RAB40B: variants seen among roughly 807,000 people sequenced by gnomAD.
RAB40B encodes RAB40B, member RAS oncogene family, also known as ras-related protein Rab-40B.
In RAB40B, 21 loss-of-function variants were observed where a neutral mutation model predicts 24.0. That is an observed-to-expected ratio of 0.88 (90% CI 0.62 to 1.26). RAB40B has a LOEUF of 1.26. Among genes scored for constraint, RAB40B ranks in the 50% most tolerant of loss-of-function variants. The probability of loss-of-function intolerance (pLI) is 0.00; values close to 1 mark genes in which losing one functional copy is unlikely to be tolerated. For synonymous variants in RAB40B, 167 were observed against 169.8 expected, an observed-to-expected ratio of 0.98 and a Z score of 0.13; for missense variants, 348 against 390.5, an observed-to-expected ratio of 0.89 and a Z score of 0.92.
chr17:82,662,904 T>C (rs1031457093), intron 2 of RAB40B, among the ~76,000 whole-genome samples: 15 of 151,952 alleles, frequency 9.9e-5, no homozygotes. Flanking sequence ...GGCACTGAGC[T>C]CAGGGGCAGG....
At chr17:82,679,889 G>T (rs1282179699) in intron 1 of RAB40B, among the ~76,000 whole-genome samples, 1 of 134,514 alleles carries the variant, frequency 7.4e-6, no homozygotes, top group Non-Finnish European at 1.6e-5. Context: ...AGCAGGCTGC[G>T]GGGTGAACGC....
In RAB40B at chr17:82,655,050, T is replaced by C. The variant is rs2143427397; in HGVS notation, c.*2813A>G. ...GTCTTCTACTTAGTCCGGTCTGTAT[T>C]AGGTTTCGTCTGTTTTTGTTCTGCC... On this transcript the variant is annotated 3_prime_UTR_variant, in exon 6 of 6. Transcript: ENST00000571995. 1 of 152,372 alleles carries C rather than the reference T, an allele frequency of 6.6e-6. No individual in the cohort carries two copies. Among genetic ancestry groups the C allele is most frequent in the Non-Finnish European group, 1.5e-5 (1 of 68,048 alleles). The allele number at this position is 152,372 out of a possible 1,614,324, so 9.4% of individuals were successfully genotyped here. A position where few individuals can be genotyped will look rare whatever the true frequency, so the allele number is the denominator to read the frequency against.
At chr17:82,678,254 G>A (rs751137154) in intron 1 of RAB40B, among the ~76,000 whole-genome samples, 1 of 152,082 alleles carries the variant, frequency 6.6e-6, no homozygotes, top group South Asian at 2.1e-4. Context: ...CAGTGTTAGC[G>A]TTAGGATAAT....
rs1598295752 is a variant in RAB40B, at chr17:82,662,331, C to T, written c.204-1284G>A. ...GCGGGAGCTGCCCAAAAGCTATGGT[C>T]GAGGAGGCAGCGGGCCAGGTCAATC... is the stretch of plus-strand genomic sequence containing the variant. On this transcript the variant is annotated intron_variant, in intron 2 of 5. Transcript: ENST00000571995. 11 of 985,422 alleles carry T rather than the reference C, an allele frequency of 1.1e-5. No homozygotes were observed. In the African/African-American group the frequency reaches 1.2e-4, roughly 11 times the overall value. 61.0% of individuals were successfully genotyped at this position (985,422 alleles called of 1,614,324 possible). A position where few individuals can be genotyped will look rare whatever the true frequency, so the allele number is the denominator to read the frequency against.
At chr17:82,687,072 G>A (rs2046510176) in intron 1 of RAB40B, among the ~76,000 whole-genome samples, 2 of 151,868 alleles carry the variant, frequency 1.3e-5, no homozygotes, top group South Asian at 4.1e-4. Flanking sequence ...TCTTGTCTGT[G>A]GGCCCCCCCA....
intron 1 of RAB40B, among the ~76,000 whole-genome samples, chr17:82,682,102 T>G (rs750673253): frequency 1.0e-4 from 11 of 108,728 alleles, no homozygotes; most frequent in Non-Finnish European, 1.9e-5. Context: ...ATGACATTAC[T>G]ATACACACAC....
In RAB40B at chr17:82,657,645, T is replaced by A. The variant is rs763962077; in HGVS notation, c.*218A>T. 1 of 689,712 alleles carries A rather than the reference T, an allele frequency of 1.4e-6. No individual in the cohort carries two copies. The highest frequency in any genetic ancestry group is 1.5e-5 in the South Asian group (1 of 67,452). 42.7% of individuals were successfully genotyped at this position (689,712 alleles called of 1,614,324 possible). A position where few individuals can be genotyped will look rare whatever the true frequency, so the allele number is the denominator to read the frequency against. On this transcript the variant is annotated 3_prime_UTR_variant, in exon 6 of 6. Coordinates refer to ENST00000571995, the MANE Select transcript of RAB40B (RefSeq NM_006822.3). ...AGTCGAGCAGAGTACTAATTTTCCC[T>A]TTACAAACACACATCGAAAACAAGA... is the stretch of plus-strand genomic sequence containing the variant.
Position 82,663,105 on chromosome 17 carries a change from C to G in RAB40B, c.203+1391G>C, listed in dbSNP as rs577875011. Among the ~76,000 whole-genome samples the G allele has an allele frequency of 1.3e-5, 2 of 152,100 alleles. No homozygotes were observed. The highest frequency in any genetic ancestry group is 4.8e-5 in the African/African-American group (2 of 41,398). On this transcript the variant is annotated intron_variant, in intron 2 of 5. Coordinates refer to ENST00000571995, the MANE Select transcript of RAB40B (RefSeq NM_006822.3). This position sits in a 1 kb window ranked among gnomAD's most constrained non-coding sequence, Gnocchi z 6.2. ...GACGGCAACCCCAACGCCAGCCCAGCGAGGGCATGGCCCCGGGGGAGTGGG... is the reference window on the plus strand; with the variant it reads ...GACGGCAACCCCAACGCCAGCCCAGGGAGGGCATGGCCCCGGGGGAGTGGG...
intron 1 of RAB40B, among the ~76,000 whole-genome samples, chr17:82,691,339 A>G (rs1392022152): frequency 6.6e-6 from 1 of 152,170 alleles, no homozygotes; most frequent in Non-Finnish European, 1.5e-5. Context: ...GTGGGAGGCA[A>G]GAGGTGGTGG....
chr17:82,677,261 A>G (rs569984449), intron 1 of RAB40B, among the ~76,000 whole-genome samples: 4 of 152,346 alleles, frequency 2.6e-5, no homozygotes, highest in African/African-American at 9.6e-5. Flanking sequence ...TACTAATTTA[A>G]ACAATTAATG....
rs1284381695 is a variant in RAB40B at position 82,663,880 on chromosome 17, C to T, written c.203+616G>A. On this transcript the variant is annotated intron_variant, in intron 2 of 5. Coordinates refer to ENST00000571995, the MANE Select transcript of RAB40B (RefSeq NM_006822.3). This position sits in a 1 kb window ranked among gnomAD's most constrained non-coding sequence, Gnocchi z 6.2. ...CAGCGCTATGTCCGTTCTGGGGTCCCCTACTCTGGATGACGGGGGCCCAGA... is the reference window on the plus strand; with the variant it reads ...CAGCGCTATGTCCGTTCTGGGGTCCTCTACTCTGGATGACGGGGGCCCAGA... 6.6e-6 allele frequency among the ~76,000 whole-genome samples: 1 copy of T among 152,188 alleles called. No homozygotes were observed. The highest frequency in any genetic ancestry group is 1.5e-5 in the Non-Finnish European group (1 of 68,028).
At chr17:82,666,774 A>G (rs1166941842) in intron 1 of RAB40B, among the ~76,000 whole-genome samples, 1 of 152,218 alleles carries the variant, frequency 6.6e-6, no homozygotes, top group African/African-American at 2.4e-5. Context: ...GTACAATCAC[A>G]GGAACCCAAA....
At chr17:82,660,097 CACAG>C (rs766736972) in intron 3 of RAB40B, among the ~76,000 whole-genome samples, 39 of 151,852 alleles carry the variant, frequency 2.6e-4, no homozygotes, top group South Asian at 8.3e-4. Flanking sequence ...GGCACTCATG[CACAG>C]ACACAGTGCA....
intron 1 of RAB40B, among the ~76,000 whole-genome samples, chr17:82,686,600 C>T (rs1353874500): frequency 6.6e-6 from 1 of 152,208 alleles, no homozygotes; most frequent in Non-Finnish European, 1.5e-5. Flanking sequence ...ACGCCGAGGG[C>T]TGCCAGCAGC....
intron 1 of RAB40B, among the ~76,000 whole-genome samples, chr17:82,680,260 C>T (rs936631286): frequency 1.3e-4 from 20 of 152,200 alleles, no homozygotes; most frequent in African/African-American, 1.2e-4. Flanking sequence ...CCCATACACC[C>T]AGGGGAGTGG....
intron 1 of RAB40B, among the ~76,000 whole-genome samples, chr17:82,681,020 C>CAAAAAAAAAAAAA (rs201799464): frequency 5.3e-5 from 5 of 93,946 alleles, no homozygotes; most frequent in African/African-American, 8.8e-5. Context: ...GACTCCATCT[C>CAAAAAAAAAAAAA]AAAAAAAAAA....
chr17:82,661,830 T>G (rs572592466), intron 2 of RAB40B: 1 of 794,586 alleles, frequency 1.3e-6, no homozygotes, highest in Non-Finnish European at 1.5e-6. Context: ...GAGGTTGCAG[T>G]GAGCTGATAT....
chr17:82,664,879 C>A (rs985893938), intron 1 of RAB40B: 9 of 257,736 alleles, frequency 3.5e-5, no homozygotes, highest in Non-Finnish European at 6.0e-5. Context: ...GGGCTGTGGC[C>A]GCTGGGTGTG....
chr17:82,659,810 AT>A, intron 3 of RAB40B, 153 bp from the exon 4 acceptor site: 2 of 639,544 alleles, frequency 3.1e-6, no homozygotes, highest in Non-Finnish European at 5.5e-6. Context: ...CAGTTTTATG[AT>A]CATTTTCAGT....
Sources: gnomAD v4.1 joint callset for allele counts (sites outside exome capture counted in the v4.1 genomes callset) on GRCh38, gnomAD v4.1.1 for gene constraint, Gnocchi (gnomAD v3.1) non-coding constraint, MANE v1.5 for transcripts, NCBI Gene and HGNC (gene_info 2026-07-23, HGNC 2026-07-21) for gene names.